The following ARHGAP42 variants were observed in gnomAD, a reference collection of about 807,000 sequenced individuals.
ARHGAP42 encodes the protein rho GTPase-activating protein 42.
A neutral mutation model predicts 125.0 loss-of-function variants in ARHGAP42; 63 were observed. The observed-to-expected ratio is 0.50, with a 90% CI of 0.41 to 0.62. The LOEUF (loss-of-function observed/expected upper bound fraction) is 0.62, where lower values mean the gene tolerates loss of function less well. Among genes scored for constraint, ARHGAP42 ranks in the 20% least tolerant of loss-of-function variants. The pLI is 0.00. For missense variants in ARHGAP42, 766 were observed against 1,024.2 expected (o/e 0.75, Z 3.44); for synonymous variants, 339 against 351.0 (o/e 0.97, Z 0.38).
chr11:100,782,254 A>T (rs1360592054), intron 2 of ARHGAP42, among the ~76,000 whole-genome samples: 1 of 152,224 alleles, frequency 6.6e-6, no homozygotes, highest in Non-Finnish European at 1.5e-5. Context: ...TCTAGCATCC[A>T]TATATGTGAT....
chr11:100,805,912 C>G (rs1389365527), intron 3 of ARHGAP42, among the ~76,000 whole-genome samples: 1 of 152,164 alleles, frequency 6.6e-6, no homozygotes, highest in African/African-American at 2.4e-5. Context: ...TTCTTTACTG[C>G]ATCCTGTTTT....
intron 1 of ARHGAP42, among the ~76,000 whole-genome samples, chr11:100,761,003 G>A (rs1862689803): frequency 6.6e-6 from 1 of 152,120 alleles, no homozygotes; most frequent in Non-Finnish European, 1.5e-5. Context: ...GGTTGTACTG[G>A]GGCAGTGGTA....
intron 4 of ARHGAP42, among the ~76,000 whole-genome samples, chr11:100,906,499 A>G (rs1263966426): frequency 1.3e-5 from 2 of 152,078 alleles, no homozygotes; most frequent in Non-Finnish European, 2.9e-5. Context: ...TGTTTTTTAA[A>G]CATTTTATGA....
chr11:100,794,075 C>CCAAAAAAAA (rs1863644497), intron 2 of ARHGAP42, among the ~76,000 whole-genome samples: 1 of 44,864 alleles, frequency 2.2e-5, no homozygotes, highest in East Asian at 1.4e-3. Context: ...GACCCTGTCT[C>CCAAAAAAAA]AAAAAAAAAA....
chr11:100,785,685 G>C (rs1863416693), intron 2 of ARHGAP42, among the ~76,000 whole-genome samples: 1 of 152,126 alleles, frequency 6.6e-6, no homozygotes, highest in South Asian at 2.1e-4. Context: ...GAAACATGGG[G>C]GCAGTGCGAG....
At chr11:100,778,387 C>A (rs1342106611) in intron 2 of ARHGAP42, among the ~76,000 whole-genome samples, 3 of 152,106 alleles carry the variant, frequency 2.0e-5, no homozygotes, top group Non-Finnish European at 4.4e-5. Flanking sequence ...TCTTTACAGA[C>A]CCTCATTACA....
At chr11:100,947,547 G>C (rs663622) in intron 10 of ARHGAP42, among the ~76,000 whole-genome samples, 133,985 of 151,864 alleles carry the variant, frequency 0.88, 59,191 homozygotes, top group East Asian at 1. Flanking sequence ...ATAACACAGT[G>C]CCTGTCACAT....
At chr11:100,713,653 T>C (rs1303294492) in intron 1 of ARHGAP42, among the ~76,000 whole-genome samples, 1 of 152,250 alleles carries the variant, frequency 6.6e-6, no homozygotes, top group Non-Finnish European at 1.5e-5. Context: ...TTGGTTTCTC[T>C]TTAATTTCTG....
rs536296157 is a variant in ARHGAP42 at position 100,770,969 on chromosome 11, C to T, written c.250+531C>T. 3.3e-5 allele frequency among the ~76,000 whole-genome samples: 5 copies of T among 152,316 alleles called. No individual in the cohort carries two copies. The South Asian group carries it at 1.0e-3, about 32-fold the overall frequency. On this transcript the variant is annotated intron_variant, in intron 2 of 23. Coordinates refer to ENST00000298815, the MANE Select transcript of ARHGAP42 (RefSeq NM_152432.4). ...AGGAAATGACTTAATCATTCTATAA[C>T]TCAGGTCAGCCGAGCTTTGAATTAT... is the stretch of plus-strand genomic sequence containing the variant.
rs573097681 is a variant in ARHGAP42 at position 100,695,580 on chromosome 11, C to T, written c.154+7748C>T. 1.4e-4 allele frequency among the ~76,000 whole-genome samples: 22 copies of T among 152,308 alleles called. No homozygotes were observed. The South Asian group carries it at 4.6e-3, about 32-fold the overall frequency. On this transcript the variant is annotated intron_variant, in intron 1 of 23. Transcript: ENST00000298815. ...TCGGCCTCCCAAAGTGCTGTGATTA[C>T]AGGCTTGAGCCACCGCACCCGGCCT...
At chr11:100,918,303 C>A (rs987412040) in intron 5 of ARHGAP42, among the ~76,000 whole-genome samples, 1 of 152,202 alleles carries the variant, frequency 6.6e-6, no homozygotes, top group African/African-American at 2.4e-5. Context: ...AAGCTTAAAT[C>A]TTTTCTCCTT....
At chr11:100,717,194 A>G (rs1861675694) in intron 1 of ARHGAP42, among the ~76,000 whole-genome samples, 1 of 152,216 alleles carries the variant, frequency 6.6e-6, no homozygotes, top group Admixed American at 6.5e-5. Context: ...TGGCCTGAGT[A>G]TTCTGTCCTG....
intron 11 of ARHGAP42, among the ~76,000 whole-genome samples, chr11:100,948,974 T>G (rs975260697): frequency 2.0e-5 from 3 of 152,116 alleles, no homozygotes; most frequent in African/African-American, 4.8e-5. Context: ...GCCTGTGGCT[T>G]GACATTTTCA....
chr11:100,909,727 C>T (rs1387801779), intron 4 of ARHGAP42, among the ~76,000 whole-genome samples: 1 of 152,112 alleles, frequency 6.6e-6, no homozygotes, highest in Non-Finnish European at 1.5e-5. Flanking sequence ...GATTGGGGTC[C>T]AGTTTCATGC....
At chr11:100,749,252 G>A (rs567293669) in intron 1 of ARHGAP42, among the ~76,000 whole-genome samples, 5 of 152,226 alleles carry the variant, frequency 3.3e-5, no homozygotes, top group African/African-American at 7.2e-5. Context: ...ATCTTGCCTT[G>A]CCTGTCCTGG....
chr11:100,878,340 A>G (rs542950629), intron 4 of ARHGAP42, among the ~76,000 whole-genome samples: 14 of 151,724 alleles, frequency 9.2e-5, no homozygotes, highest in African/African-American at 2.7e-4. Context: ...CTCACTTTCA[A>G]CTGTTTCCTT....
At chr11:100,972,584 A>G (rs1270847837) in intron 17 of ARHGAP42, among the ~76,000 whole-genome samples, 1 of 152,132 alleles carries the variant, frequency 6.6e-6, no homozygotes, top group Non-Finnish European at 1.5e-5. Context: ...ATGTTGGCCA[A>G]TGATCTATCC....
At chr11:100,690,889 C>T (rs539467536) in intron 1 of ARHGAP42, among the ~76,000 whole-genome samples, 10 of 152,106 alleles carry the variant, frequency 6.6e-5, no homozygotes, top group East Asian at 1.9e-4. Context: ...TGTGAGCCAC[C>T]GCGCCCGGCC....
At chr11:100,869,404 TC>T (rs961051715) in intron 4 of ARHGAP42, among the ~76,000 whole-genome samples, 1 of 121,968 alleles carries the variant, frequency 8.2e-6, no homozygotes, top group Non-Finnish European at 1.9e-5. Flanking sequence ...AAATCTTTCC[TC>T]TTTTTTTTTT....
Sources: allele counts gnomAD v4.1 joint callset (sites outside exome capture counted in the v4.1 genomes callset), GRCh38; gene constraint gnomAD v4.1.1; transcripts MANE v1.5; gene names NCBI Gene and HGNC (gene_info 2026-07-23, HGNC 2026-07-21).